The following CAB39L variants were observed in gnomAD, a reference collection of about 807,000 sequenced individuals.
CAB39L encodes calcium-binding protein 39-like.
CAB39L carries 23 observed loss-of-function variants against 39.1 expected under a neutral mutation model. That is an observed-to-expected ratio of 0.59 (90% CI 0.42 to 0.83). CAB39L has a LOEUF of 0.83. Among genes scored for constraint, CAB39L ranks in the 40% least tolerant of loss-of-function variants. CAB39L has a pLI of 0.00. For synonymous variants in CAB39L, 126 were observed against 137.2 expected (o/e 0.92, Z 0.57); for missense variants, 366 against 391.9 (o/e 0.93, Z 0.56).
chr13:49,395,069 T>C (rs1298967708), intron 3 of CAB39L, among the ~76,000 whole-genome samples: 1 of 152,206 alleles, frequency 6.6e-6, no homozygotes, highest in African/African-American at 2.4e-5. Context: ...ATGCTTAATT[T>C]CCTTCTTTCT....
At chr13:49,377,790 T>G (rs1341226708) in intron 4 of CAB39L, among the ~76,000 whole-genome samples, 1 of 92,610 alleles carries the variant, frequency 1.1e-5, no homozygotes, top group Non-Finnish European at 2.2e-5. Context: ...AGTGCCGAGA[T>G]TGCAGCCTCT....
intron 5 of CAB39L, among the ~76,000 whole-genome samples, chr13:49,376,595 A>C (rs1231273407): frequency 6.6e-6 from 1 of 152,204 alleles, no homozygotes; most frequent in Non-Finnish European, 1.5e-5. Context: ...ATATCTTTGA[A>C]CTTTAGGTTC....
chr13:49,388,700 C>T (rs1323059432), intron 3 of CAB39L, among the ~76,000 whole-genome samples: 1 of 151,944 alleles, frequency 6.6e-6, no homozygotes, highest in African/African-American at 2.4e-5. Flanking sequence ...GTTGGCAGAA[C>T]ATGTGGGAGG....
chr13:49,436,553 C>CTTTTTTT (rs57141770), intron 1 of CAB39L, among the ~76,000 whole-genome samples: 12 of 73,468 alleles, frequency 1.6e-4, no homozygotes, highest in Non-Finnish European at 2.3e-4. Flanking sequence ...TTCTTTATGA[C>CTTTTTTT]TTTTTTTTTT....
chr13:49,410,971 C>A (rs758888264), intron 3 of CAB39L, among the ~76,000 whole-genome samples: 3 of 152,142 alleles, frequency 2.0e-5, no homozygotes, highest in Non-Finnish European at 2.9e-5. Flanking sequence ...ACTATAACCA[C>A]AGAATGGCAT....
At chr13:49,373,621 G>A (rs1299235177) in intron 5 of CAB39L, among the ~76,000 whole-genome samples, 1 of 152,152 alleles carries the variant, frequency 6.6e-6, no homozygotes, top group Admixed American at 6.5e-5. Context: ...ATGGCTCACT[G>A]GTATGTCCCA....
chr13:49,413,210 T>C (rs1030537517), intron 3 of CAB39L, among the ~76,000 whole-genome samples: 5 of 152,070 alleles, frequency 3.3e-5, no homozygotes, highest in African/African-American at 1.2e-4. Flanking sequence ...AGAAGAAATA[T>C]GCAAGGGACC....
At chr13:49,406,268 C>T (rs559590143) in intron 3 of CAB39L, among the ~76,000 whole-genome samples, 273 of 150,212 alleles carry the variant, frequency 1.8e-3, no homozygotes, top group Middle Eastern at 3.5e-3. Context: ...CCCAGGTTCA[C>T]GCCATTCTCC....
At chr13:49,359,930 A>G in intron 5 of CAB39L, 98 bp from the exon 6 acceptor site, 1 of 635,646 alleles carries the variant, frequency 1.6e-6, no homozygotes, top group Non-Finnish European at 2.7e-6. Context: ...ACAGACAGAA[A>G]TGGTACCATC....
At chr13:49,333,935 C>T (rs1186926535) in intron 9 of CAB39L, among the ~76,000 whole-genome samples, 3 of 152,134 alleles carry the variant, frequency 2.0e-5, no homozygotes, top group Non-Finnish European at 4.4e-5. Context: ...GACTGTCACA[C>T]TTAGCGTCTC....
chr13:49,343,869 G>A (rs1451276622), intron 8 of CAB39L, among the ~76,000 whole-genome samples: 2 of 152,146 alleles, frequency 1.3e-5, no homozygotes, highest in Admixed American at 6.5e-5. Flanking sequence ...TAGTGAGGGT[G>A]GGGTTCTCTT....
intron 10 of CAB39L, among the ~76,000 whole-genome samples, chr13:49,319,086 A>C (rs1954274712): frequency 6.6e-6 from 1 of 152,070 alleles, no homozygotes; most frequent in African/African-American, 2.4e-5. Flanking sequence ...TCTACTAAAA[A>C]TACAAAAATT....
At chr13:49,394,279 A>G (rs1956557290) in intron 3 of CAB39L, among the ~76,000 whole-genome samples, 1 of 152,074 alleles carries the variant, frequency 6.6e-6, no homozygotes, top group Non-Finnish European at 1.5e-5. Flanking sequence ...CAGTTAATGA[A>G]CATATTAGTA....
intron 10 of CAB39L, among the ~76,000 whole-genome samples, chr13:49,321,705 G>A (rs1457470090): frequency 6.6e-6 from 1 of 152,192 alleles, no homozygotes. Flanking sequence ...GGGAAAAGGG[G>A]CTTGGGGTCA....
chr13:49,428,481 T>G (rs1957274345), intron 3 of CAB39L, among the ~76,000 whole-genome samples: 2 of 152,124 alleles, frequency 1.3e-5, no homozygotes, highest in South Asian at 4.1e-4. Context: ...CTTGGCACAG[T>G]ATGGAAGAAG....
rs575630208 is a variant in CAB39L, at chr13:49,350,798, C to T, written c.510G>A (p.Lys170=). The change falls in exon 7 of 11, where the codon AAG becomes AAA. Residue 170 remains lysine (K), a synonymous_variant. Coordinates refer to ENST00000409308, the MANE Select transcript of CAB39L (RefSeq NM_001079670.3). The stretch of plus-strand genomic sequence containing the variant: ...TATCAAATGTTGACAACTCCACGTA[C>T]TTAAAGAAATCTCTGAATTGATTAG... ...LFSNQFRDFF[K]YVELSTFDIA... is the part of the protein sequence containing the mutation. 36 of 1,605,144 alleles carry T rather than the reference C, an allele frequency of 2.2e-5. No individual in the cohort carries two copies. The East Asian group carries it at 7.6e-4, about 34-fold the overall frequency.
At chr13:49,413,053 A>G (rs959183148) in intron 3 of CAB39L, 1 of 152,182 alleles carries the variant, frequency 6.6e-6, no homozygotes, top group Admixed American at 6.6e-5. Context: ...AAGGAATTCA[A>G]AAGAGGTCTG....
intron 7 of CAB39L, among the ~76,000 whole-genome samples, chr13:49,349,716 T>C (rs185596432): frequency 1.3e-5 from 2 of 152,256 alleles, no homozygotes; most frequent in East Asian, 3.9e-4. Flanking sequence ...ACCCACTTTA[T>C]ACACTAACCG....
intron 3 of CAB39L, among the ~76,000 whole-genome samples, chr13:49,383,245 G>T (rs1031739026): frequency 2.6e-5 from 4 of 151,870 alleles, no homozygotes; most frequent in Non-Finnish European, 4.4e-5. Flanking sequence ...TAGATATTTT[G>T]ACCAAAGAAA....
Sources: gnomAD v4.1 joint callset for allele counts (sites outside exome capture counted in the v4.1 genomes callset) on GRCh38, gnomAD v4.1.1 for gene constraint, MANE v1.5 for transcripts, NCBI Gene and HGNC (gene_info 2026-07-23, HGNC 2026-07-21) for gene names.